Variants in CORO1C observed in about 807,000 individuals in gnomAD.
The protein encoded by CORO1C is coronin-1C.
A neutral mutation model predicts 51.2 loss-of-function variants in CORO1C; 14 were observed. The observed-to-expected ratio is 0.27, with a 90% CI of 0.18 to 0.43. The LOEUF is 0.43. Ranked by LOEUF, CORO1C falls within the 20% of genes least tolerant of loss-of-function variation. CORO1C has a pLI of 1.00. For synonymous variants in CORO1C, 181 were observed against 210.5 expected (o/e 0.86, Z 1.21); for missense variants, 417 against 607.8 (o/e 0.69, Z 3.30).
At chr12:108,691,772 G>A (rs557772867) in intron 2 of CORO1C, among the ~76,000 whole-genome samples, 8 of 152,338 alleles carry the variant, frequency 5.3e-5, no homozygotes, top group Middle Eastern at 3.4e-3. Flanking sequence ...GGACATATCA[G>A]TGAACTGCAG....
intron 1 of CORO1C, among the ~76,000 whole-genome samples, chr12:108,708,135 C>T (rs1297484232): frequency 1.3e-5 from 2 of 152,170 alleles, no homozygotes; most frequent in Non-Finnish European, 2.9e-5. Flanking sequence ...GGTATACACT[C>T]ATAAGAACTG....
chr12:108,705,962 G>A (rs981683692), intron 1 of CORO1C, among the ~76,000 whole-genome samples: 17 of 152,074 alleles, frequency 1.1e-4, no homozygotes, highest in Non-Finnish European at 2.2e-4. Context: ...TGAGGCAGGG[G>A]GATCACTTGA....
At chr12:108,654,440 T>C in intron 6 of CORO1C, 30 bp from the exon 7 acceptor site, 5 of 1,204,962 alleles carry the variant, frequency 4.1e-6, no homozygotes, top group Non-Finnish European at 3.6e-6. Flanking sequence ...AATACATATA[T>C]GTGTATGTAT....
At position 108,658,658 on chromosome 12, in the gene CORO1C, C is replaced by T. The variant is rs143467241; in HGVS notation, c.630+80G>A. ...ACAACAGGGTCCCACTGACCAGTAC[C>T]GCTGCCTGCCTTAAAAAGCAGAAAG... On this transcript the variant is annotated intron_variant, in intron 5 of 10. Coordinates refer to ENST00000261401, the MANE Select transcript of CORO1C (RefSeq NM_014325.4). This position sits in a 1 kb window ranked among gnomAD's most constrained non-coding sequence, Gnocchi z 4.9. 632 of 1,451,292 alleles carry T rather than the reference C, an allele frequency of 4.4e-4. 2 individuals carry two copies. The African/African-American group carries it at 7.7e-3, about 18-fold the overall frequency. 89.9% of individuals were successfully genotyped at this position (1,451,292 alleles called of 1,614,324 possible).
intron 6 of CORO1C, 58 bp downstream of exon 6, chr12:108,657,246 G>A (rs951866780): frequency 6.3e-7 from 1 of 1,582,544 alleles, no homozygotes; most frequent in African/African-American, 1.4e-5. Flanking sequence ...TGGAAGACCT[G>A]CTCAGAACAG....
chr12:108,714,894 G>C (rs1479683237), intron 1 of CORO1C, among the ~76,000 whole-genome samples: 1 of 152,182 alleles, frequency 6.6e-6, no homozygotes, highest in Non-Finnish European at 1.5e-5. Context: ...AAAGAGACTT[G>C]GTTGGGGACC....
chr12:108,702,797 C>T (rs1267636117), intron 1 of CORO1C: 2 of 1,526,980 alleles, frequency 1.3e-6, no homozygotes, highest in Middle Eastern at 1.7e-4. Context: ...GTCTCTTACC[C>T]TTCCAACGCA....
At chr12:108,718,125 G>A (rs972155267) in intron 1 of CORO1C, among the ~76,000 whole-genome samples, 5 of 152,108 alleles carry the variant, frequency 3.3e-5, no homozygotes, top group African/African-American at 9.7e-5. Flanking sequence ...AGGCCAAGGC[G>A]GGCAGATCAC....
At chr12:108,711,974 C>A (rs2035193951) in intron 1 of CORO1C, among the ~76,000 whole-genome samples, 1 of 152,016 alleles carries the variant, frequency 6.6e-6, no homozygotes, top group African/African-American at 2.4e-5. Flanking sequence ...ACAGGAAAAC[C>A]CCTACTAGTA....
At chr12:108,715,626 G>A (rs1356984784) in intron 1 of CORO1C, among the ~76,000 whole-genome samples, 4 of 105,718 alleles carry the variant, frequency 3.8e-5, no homozygotes, top group African/African-American at 1.4e-4. Context: ...TACCTGACCC[G>A]CCTCCTCCCT....
chr12:108,658,860 C>T lies in CORO1C; in HGVS notation c.508G>A (p.Asp170Asn). The change falls in exon 5 of 11, where the codon GAC (aspartate) becomes AAC (asparagine). Residue 170 changes from aspartate to asparagine, a missense_variant. Physicochemically the swap from Asp to Asn is conservative, Grantham distance 23 (BLOSUM62 1). Coordinates refer to ENST00000261401, the MANE Select transcript of CORO1C (RefSeq NM_014325.4). The surrounding 1 kb of genome is among the most constrained non-coding windows in gnomAD (Gnocchi z 4.9). ...VGTGEALINL[D>N]DMHSDMIYNV... ...TAAATCATGTCTGAATGCATATCGT[C>T]CAAGTTTATAAGGGCTTCCCCTGTT... is the stretch of plus-strand genomic sequence containing the variant. 6.2e-7 allele frequency: 1 copy of T among 1,613,854 alleles called. No homozygotes were observed. Among genetic ancestry groups the T allele is most frequent in the South Asian group, 1.1e-5 (1 of 91,072 alleles).
At chr12:108,726,311 T>C (rs1337009853) in intron 1 of CORO1C, among the ~76,000 whole-genome samples, 1 of 150,170 alleles carries the variant, frequency 6.7e-6, no homozygotes, top group East Asian at 2.0e-4. Context: ...CCCAGCTACT[T>C]GGGAGGCTGA....
intron 3 of CORO1C, among the ~76,000 whole-genome samples, chr12:108,666,883 G>A (rs1303142042): frequency 6.6e-6 from 1 of 152,196 alleles, no homozygotes; most frequent in Non-Finnish European, 1.5e-5. Context: ...CTAGGGAGAA[G>A]AGCATGGGGC....
intron 2 of CORO1C, among the ~76,000 whole-genome samples, chr12:108,693,347 G>A (rs371939070): frequency 3.9e-5 from 6 of 152,276 alleles, no homozygotes; most frequent in African/African-American, 1.2e-4. Flanking sequence ...GACTATCCAC[G>A]TACGATCTGC....
intron 3 of CORO1C, among the ~76,000 whole-genome samples, chr12:108,674,911 A>C (rs1049306496): frequency 2.8e-4 from 42 of 152,270 alleles, no homozygotes; most frequent in African/African-American, 9.6e-4. Context: ...AACTTAGTTG[A>C]TAAGGCAGCA....
At chr12:108,671,797 CT>C (rs2033729471) in intron 3 of CORO1C, among the ~76,000 whole-genome samples, 2 of 152,156 alleles carry the variant, frequency 1.3e-5, no homozygotes, top group Admixed American at 6.5e-5. Context: ...TGGTCTCACT[CT>C]GTTAACCAGG....
intron 1 of CORO1C, among the ~76,000 whole-genome samples, chr12:108,707,801 A>G (rs2035069529): frequency 6.6e-6 from 1 of 152,230 alleles, no homozygotes; most frequent in South Asian, 2.1e-4. Flanking sequence ...AACATAGTCC[A>G]ATTTAAAAAT....
At chr12:108,706,200 A>AC (rs1223543937) in intron 1 of CORO1C, among the ~76,000 whole-genome samples, 7 of 151,684 alleles carry the variant, frequency 4.6e-5, no homozygotes, top group Admixed American at 6.6e-5. Flanking sequence ...AAAAAACAAA[A>AC]AAAACAAAAA....
At chr12:108,654,806 G>A (rs543558859) in intron 6 of CORO1C, among the ~76,000 whole-genome samples, 10 of 151,744 alleles carry the variant, frequency 6.6e-5, no homozygotes, top group East Asian at 1.9e-4. Flanking sequence ...AAGTTCAAGC[G>A]ATTTTCCTGC....
Sources: gnomAD v4.1 joint callset for allele counts (sites outside exome capture counted in the v4.1 genomes callset) on GRCh38, gnomAD v4.1.1 for gene constraint, Gnocchi (gnomAD v3.1) non-coding constraint, MANE v1.5 for transcripts, NCBI Gene and HGNC (gene_info 2026-07-23, HGNC 2026-07-21) for gene names.